Variants in SDC2 observed in about 807,000 individuals in gnomAD.
SDC2 encodes syndecan 2.
In SDC2, 13 loss-of-function variants were observed where a neutral mutation model predicts 22.2. That is an observed-to-expected ratio of 0.59 (90% CI 0.38 to 0.93). The LOEUF is 0.93. SDC2 is among the 40% of genes least tolerant of loss of function. The probability of loss-of-function intolerance (pLI) is 0.00; values close to 1 mark genes in which losing one functional copy is unlikely to be tolerated. For synonymous variants in SDC2, 94 were observed against 92.8 expected, an observed-to-expected ratio of 1.01 and a Z score of -0.07; for missense variants, 235 against 246.8, an observed-to-expected ratio of 0.95 and a Z score of 0.32.
intron 2 of SDC2, among the ~76,000 whole-genome samples, chr8:96,596,460 A>T (rs1814878292): frequency 6.6e-6 from 1 of 152,236 alleles, no homozygotes; most frequent in African/African-American, 2.4e-5. Flanking sequence ...TATGGGCATA[A>T]GCAAACATGA....
At chr8:96,536,360 G>T (rs1813755058) in intron 1 of SDC2, among the ~76,000 whole-genome samples, 1 of 151,852 alleles carries the variant, frequency 6.6e-6, no homozygotes. Context: ...TTGCTCTGTT[G>T]CCCAGGCTGG....
intron 1 of SDC2, among the ~76,000 whole-genome samples, chr8:96,581,344 G>A (rs1320669585): frequency 2.0e-5 from 3 of 152,054 alleles, no homozygotes; most frequent in Admixed American, 6.5e-5. Context: ...AGTACTATAT[G>A]AGGGCTGGGC....
At chr8:96,523,976 C>CA (rs1322016449) in intron 1 of SDC2, among the ~76,000 whole-genome samples, 5 of 152,028 alleles carry the variant, frequency 3.3e-5, no homozygotes, top group African/African-American at 1.2e-4. Flanking sequence ...AGGCTTCTTT[C>CA]AAAAAAGAAG....
chr8:96,608,224 TA>T, intron 3 of SDC2, 110 bp from the exon 4 acceptor site: 1 of 934,350 alleles, frequency 1.1e-6, no homozygotes, highest in East Asian at 2.5e-5. Context: ...AGTTATTTCC[TA>T]AACTCATTCT....
intron 1 of SDC2, among the ~76,000 whole-genome samples, chr8:96,587,607 A>G (rs753771164): frequency 6.6e-6 from 1 of 152,152 alleles, no homozygotes; most frequent in Non-Finnish European, 1.5e-5. Context: ...GGCATCTTCC[A>G]TGTAGGAAAT....
chr8:96,498,029 T>C (rs1053904524), intron 1 of SDC2, among the ~76,000 whole-genome samples: 1 of 152,216 alleles, frequency 6.6e-6, no homozygotes, highest in Non-Finnish European at 1.5e-5. Flanking sequence ...TCTACTCTTA[T>C]TTAACTTTTT....
At chr8:96,588,958 A>C (rs763112525) in intron 1 of SDC2, among the ~76,000 whole-genome samples, 2 of 152,218 alleles carry the variant, frequency 1.3e-5, no homozygotes, top group Admixed American at 6.5e-5. Context: ...AAAATCAAAC[A>C]AATAGATTTG....
intron 1 of SDC2, among the ~76,000 whole-genome samples, chr8:96,537,868 C>G (rs1430738495): frequency 1.3e-5 from 2 of 152,124 alleles, no homozygotes; most frequent in African/African-American, 4.8e-5. Flanking sequence ...TAATTGGTTC[C>G]TGAATGTTTA....
chr8:96,585,646 A>G (rs1029020012), intron 1 of SDC2, among the ~76,000 whole-genome samples: 4 of 152,152 alleles, frequency 2.6e-5, no homozygotes, highest in African/African-American at 9.7e-5. Context: ...CATATCTGAG[A>G]TGCTGTTTTA....
intron 1 of SDC2, among the ~76,000 whole-genome samples, chr8:96,522,727 A>T (rs983555739): frequency 6.6e-6 from 1 of 152,248 alleles, no homozygotes; most frequent in African/African-American, 2.4e-5. Flanking sequence ...TCTATGATCC[A>T]TATTTGAAAT....
At position 96,608,424 on chromosome 8, in the gene SDC2, T is replaced by C. The variant is rs200561177; in HGVS notation, c.396T>C (p.Thr132=). The change falls in exon 4 of 5, where the codon ACT becomes ACC. Residue 132 remains threonine (T), a synonymous_variant. Transcript: ENST00000302190. ...DPAEEDTNVY[T]EKHSDSLFKR... ...CCGAAGAGGATACAAATGTGTATACTGAGAAACACTCAGACAGTCTGTTTA... is the reference window on the plus strand; with the variant it reads ...CCGAAGAGGATACAAATGTGTATACCGAGAAACACTCAGACAGTCTGTTTA... 1.2e-4 allele frequency: 201 copies of C among 1,613,704 alleles called. No individual in the cohort carries two copies. The highest frequency in any genetic ancestry group is 3.3e-5 in the Admixed American group (2 of 59,982).
chr8:96,571,229 A>C (rs960726554), intron 1 of SDC2, among the ~76,000 whole-genome samples: 4 of 152,278 alleles, frequency 2.6e-5, no homozygotes, highest in South Asian at 2.1e-4. Flanking sequence ...GCCTCTTTGG[A>C]GAGGGTCACA....
intron 1 of SDC2, among the ~76,000 whole-genome samples, chr8:96,501,003 T>A (rs1383197718): frequency 6.6e-6 from 1 of 152,130 alleles, no homozygotes; most frequent in East Asian, 1.9e-4. Flanking sequence ...CAATGCATAG[T>A]CTTGGAAAAA....
intron 1 of SDC2, among the ~76,000 whole-genome samples, chr8:96,550,628 G>A (rs1814011699): frequency 6.6e-6 from 1 of 152,124 alleles, no homozygotes; most frequent in Non-Finnish European, 1.5e-5. Flanking sequence ...TCAACACACA[G>A]ACCTCAGGGC....
chr8:96,589,784 T>G (rs995463989), intron 1 of SDC2, among the ~76,000 whole-genome samples: 6 of 152,202 alleles, frequency 3.9e-5, no homozygotes, highest in Non-Finnish European at 8.8e-5. Context: ...ACGATGATGT[T>G]TGAGTTCAAG....
chr8:96,573,691 C>G (rs1814440637), intron 1 of SDC2, among the ~76,000 whole-genome samples: 2 of 152,022 alleles, frequency 1.3e-5, no homozygotes, highest in African/African-American at 4.8e-5. Context: ...ACTTCTTACA[C>G]AATTCCCGCC....
At chr8:96,546,677 A>C (rs749548173) in intron 1 of SDC2, among the ~76,000 whole-genome samples, 2 of 152,208 alleles carry the variant, frequency 1.3e-5, no homozygotes, top group Non-Finnish European at 2.9e-5. Flanking sequence ...GCTGAAGTAC[A>C]CAGAGAGGGC....
intron 1 of SDC2, among the ~76,000 whole-genome samples, chr8:96,510,230 G>A (rs1038107410): frequency 7.2e-5 from 11 of 152,186 alleles, no homozygotes; most frequent in African/African-American, 2.4e-4. Context: ...ATCATGTATA[G>A]GTCCTACATA....
chr8:96,602,605 C>A, intron 3 of SDC2, 77 bp downstream of exon 3: 1 of 1,430,706 alleles, frequency 7.0e-7, no homozygotes. Flanking sequence ...CACAACAGTC[C>A]CTTTTGTATT....
Sources: allele counts gnomAD v4.1 joint callset (sites outside exome capture counted in the v4.1 genomes callset), GRCh38; gene constraint gnomAD v4.1.1; transcripts MANE v1.5; gene names NCBI Gene and HGNC (gene_info 2026-07-23, HGNC 2026-07-21).